The following RAD21L1 variants were observed in gnomAD, a reference collection of about 807,000 sequenced individuals.
RAD21L1 encodes double-strand-break repair protein rad21-like protein 1.
Under a neutral mutation model 69.0 loss-of-function variants are expected in RAD21L1, and 47 were observed. That is an observed-to-expected ratio of 0.68 (90% CI 0.54 to 0.87). RAD21L1 has a LOEUF of 0.87. Ranked by LOEUF, RAD21L1 falls within the 40% of genes least tolerant of loss-of-function variation. RAD21L1 has a pLI of 0.00. For missense variants in RAD21L1, 583 were observed against 647.6 expected, an observed-to-expected ratio of 0.90 and a Z score of 1.08; for synonymous variants, 177 against 205.8, an observed-to-expected ratio of 0.86 and a Z score of 1.20.
At chr20:1,237,633 A>G (rs542367171) in intron 5 of RAD21L1, among the ~76,000 whole-genome samples, 1 of 152,066 alleles carries the variant, frequency 6.6e-6, no homozygotes, top group African/African-American at 2.4e-5. Flanking sequence ...GAGATGACTA[A>G]CATGTTCCTT....
chr20:1,231,640 T>C (rs907516693), intron 4 of RAD21L1, 21 bp downstream of exon 4: 58 of 1,171,048 alleles, frequency 5.0e-5, no homozygotes, highest in Non-Finnish European at 6.2e-5. Context: ...TTATTTATTT[T>C]CCTTCGATTT....
rs2087538847 is a variant in RAD21L1 at position 1,238,203 on chromosome 20, G to C, written c.635G>C (p.Gly212Ala). The stretch of plus-strand genomic sequence containing the variant: ...GGGTTTGGAGATGAAGGAGCTGCAG[G>C]AGAAATGATTGGTATGCTATCTGGT... Reference protein sequence around the residue: ...GDGFGDEGAAGEMIDNLLQDD... With the variant: ...GDGFGDEGAAAEMIDNLLQDD... Residue 212 changes from glycine to alanine, a missense_variant, in exon 6 of 14, where the codon GGA (glycine) becomes GCA (alanine). Coordinates refer to ENST00000683101, the MANE Select transcript of RAD21L1 (RefSeq NM_001384355.1). 7.9e-6 allele frequency: 12 copies of C among 1,513,134 alleles called. No individual in the cohort carries two copies. Among genetic ancestry groups the C allele is most frequent in the African/African-American group, 1.4e-5 (1 of 72,698 alleles). 93.7% of individuals were successfully genotyped at this position (1,513,134 alleles called of 1,614,324 possible).
In RAD21L1 at chr20:1,229,993, G is replaced by T. The variant is rs1189421964; in HGVS notation, c.258G>T (p.Lys86Asn). Residue 86 changes from lysine (K) to asparagine (N), a missense_variant, in exon 3 of 14, where the codon AAG becomes AAT. Physicochemically the swap from Lys to Asn is moderately conservative, Grantham distance 94. Transcript: ENST00000683101. ...GCAGTGAAGCATTTCTTAAAATGAAGATGACATTTTGCCCAGGTATACATG... is the reference window on the plus strand; with the variant it reads ...GCAGTGAAGCATTTCTTAAAATGAATATGACATTTTGCCCAGGTATACATG... ...ADCSEAFLKM[K>N]MTFCPGLVDL... 1.3e-6 allele frequency: 2 copies of T among 1,549,590 alleles called. No homozygotes were observed. Among genetic ancestry groups the T allele is most frequent in the Middle Eastern group, 1.7e-4 (1 of 5,988 alleles).
At chr20:1,240,727 C>T (rs938403903) in intron 8 of RAD21L1, among the ~76,000 whole-genome samples, 1 of 152,180 alleles carries the variant, frequency 6.6e-6, no homozygotes, top group Non-Finnish European at 1.5e-5. Flanking sequence ...TGTCAATTTA[C>T]TGCTGCCATG....
chr20:1,227,060 C>A (rs556304379), intron 1 of RAD21L1, among the ~76,000 whole-genome samples: 69 of 152,274 alleles, frequency 4.5e-4, no homozygotes, highest in African/African-American at 1.6e-3. Context: ...CAGACGCCCG[C>A]CACCGTGCCT....
chr20:1,236,228 C>T (rs2087493005), intron 5 of RAD21L1, among the ~76,000 whole-genome samples: 1 of 152,140 alleles, frequency 6.6e-6, no homozygotes, highest in Non-Finnish European at 1.5e-5. Flanking sequence ...TACTGCAATA[C>T]CCTCCTACAA....
intron 1 of RAD21L1, among the ~76,000 whole-genome samples, chr20:1,227,286 G>A (rs1337276847): frequency 6.6e-6 from 1 of 152,228 alleles, no homozygotes; most frequent in Non-Finnish European, 1.5e-5. Flanking sequence ...TTCCGAGAGA[G>A]CGAAACACAC....
chr20:1,248,643 AG>A lies in RAD21L1; in HGVS notation c.1420del (p.Glu474LysfsTer16). 1 of 1,533,264 alleles carries A rather than the reference AG, an allele frequency of 6.5e-7. No homozygotes were observed. The highest frequency in any genetic ancestry group is 8.8e-7 in the Non-Finnish European group (1 of 1,134,036). The allele number at this position is 1,533,264 out of a possible 1,614,324, so 95.0% of individuals were successfully genotyped here. ...PVELESLSNEENIETERWNGR... is the reference protein window; with the variant it reads ...PVELESLSNEXNIETERWNGR... ...TCAAACAGGAGTCATTGAGCAATGA[AG>A]AAAATATTGAGACAGAGAGATGGAA... On this transcript the variant is annotated frameshift_variant, in exon 13 of 14. Coordinates refer to ENST00000683101, the MANE Select transcript of RAD21L1 (RefSeq NM_001384355.1). LOFTEE classifies it high-confidence loss of function.
intron 13 of RAD21L1, among the ~76,000 whole-genome samples, chr20:1,249,502 C>G (rs1199314336): frequency 6.6e-6 from 1 of 152,102 alleles, no homozygotes; most frequent in African/African-American, 2.4e-5. Context: ...TGTCAGGGAC[C>G]CAGGTTTCCT....
In RAD21L1 at chr20:1,242,850, C is replaced by A. The variant is rs149871945; in HGVS notation, c.1083+5C>A. The A allele has an allele frequency of 6.5e-7, 1 of 1,532,700 alleles. No homozygotes were observed. Among genetic ancestry groups the A allele is most frequent in the South Asian group, 1.2e-5 (1 of 83,732 alleles). 94.9% of individuals were successfully genotyped at this position (1,532,700 alleles called of 1,614,324 possible). A position where few individuals can be genotyped will look rare whatever the true frequency, so the allele number is the denominator to read the frequency against. Reference sequence around the variant, plus strand: ...ATTCATGCTGAACTGAAAATGGTAACGGTTCCTACCCTTCTACATGTGAGC... The same window carrying A: ...ATTCATGCTGAACTGAAAATGGTAAAGGTTCCTACCCTTCTACATGTGAGC... On this transcript the variant is annotated splice_donor_5th_base_variant and intron_variant, in intron 9 of 13. Coordinates refer to ENST00000683101, the MANE Select transcript of RAD21L1 (RefSeq NM_001384355.1).
At position 1,255,321 on chromosome 20, in the gene RAD21L1, T is replaced by G. The variant is rs1204287276; in HGVS notation, c.*864T>G. Among the ~76,000 whole-genome samples, 1 of 152,192 alleles carries G rather than the reference T, an allele frequency of 6.6e-6. No individual in the cohort carries two copies. Among genetic ancestry groups the G allele is most frequent in the Non-Finnish European group, 1.5e-5 (1 of 68,024 alleles). ...TGAGTAAAGATCACCAAAATAAATG[T>G]TCTTTTGTTTGGTGTTTACTGAACA... On this transcript the variant is annotated 3_prime_UTR_variant, in exon 14 of 14. Transcript: ENST00000683101.
chr20:1,247,316 T>G (rs2087737190), intron 12 of RAD21L1, among the ~76,000 whole-genome samples: 1 of 152,210 alleles, frequency 6.6e-6, no homozygotes, highest in South Asian at 2.1e-4. Context: ...GTATTTCTTC[T>G]GAGCCTTTCT....
chr20:1,249,568 G>C (rs1363357944), intron 13 of RAD21L1, among the ~76,000 whole-genome samples: 2 of 152,170 alleles, frequency 1.3e-5, no homozygotes, highest in African/African-American at 2.4e-5. Context: ...ACTCCAATCA[G>C]TAACAAAATT....
In RAD21L1 at chr20:1,248,626, G is replaced by A; in HGVS notation, c.1402G>A (p.Glu468Lys). The change falls in exon 13 of 14, where the codon GAG (glutamate) becomes AAG (lysine). Residue 468 changes from glutamate (E) to lysine (K), a missense_variant and splice_region_variant. Glu to Lys is a moderately conservative substitution (Grantham distance 56, BLOSUM62 1). Transcript: ENST00000683101. ...AATATTTTATCTATCATTCAAACAG[G>A]AGTCATTGAGCAATGAAGAAAATAT... ...QEIEYSPVEL[E>K]SLSNEENIET... 1 of 1,498,452 alleles carries A rather than the reference G, an allele frequency of 6.7e-7. No homozygotes were observed. The highest frequency in any genetic ancestry group is 9.0e-7 in the Non-Finnish European group (1 of 1,105,832). 92.8% of individuals were successfully genotyped at this position (1,498,452 alleles called of 1,614,324 possible). A position where few individuals can be genotyped will look rare whatever the true frequency, so the allele number is the denominator to read the frequency against.
intron 5 of RAD21L1, among the ~76,000 whole-genome samples, chr20:1,235,122 C>A (rs755998162): frequency 1.3e-5 from 2 of 152,118 alleles, no homozygotes; most frequent in African/African-American, 2.4e-5. Context: ...CTCCTACTCC[C>A]TGTCTTATAT....
chr20:1,233,666 G>T (rs1333675105), intron 4 of RAD21L1, among the ~76,000 whole-genome samples: 1 of 152,162 alleles, frequency 6.6e-6, no homozygotes, highest in Non-Finnish European at 1.5e-5. Flanking sequence ...TCACATGGTA[G>T]ATTGAGGCAG....
chr20:1,234,106 CTT>C lies in RAD21L1; in HGVS notation c.392_393del (p.Phe131TyrfsTer13), dbSNP rs1286801438. ...ATAGTGCTATTGATGTTTCAGAACA[CTT>C]TACTCAGAACCAAAGCAGACCAGAA... ...NMNAIDVSEH[F>X]TQNQSRPEEI... is the part of the protein sequence containing the mutation. On this transcript the variant is annotated frameshift_variant, in exon 5 of 14. Transcript: ENST00000683101. LOFTEE classifies it high-confidence loss of function. 6.5e-7 allele frequency: 1 copy of C among 1,536,168 alleles called. No individual in the cohort carries two copies.
At chr20:1,250,532 G>A (rs1393948548) in intron 13 of RAD21L1, among the ~76,000 whole-genome samples, 1 of 152,048 alleles carries the variant, frequency 6.6e-6, no homozygotes, top group Non-Finnish European at 1.5e-5. Context: ...ACAAAGACAT[G>A]AACTCATCCT....
intron 13 of RAD21L1, among the ~76,000 whole-genome samples, chr20:1,251,659 T>A (rs1206142670): frequency 6.6e-6 from 1 of 152,002 alleles, no homozygotes; most frequent in Admixed American, 6.6e-5. Context: ...TCTTTTATCC[T>A]CTATATTAAT....
Sources: allele counts gnomAD v4.1 joint callset (sites outside exome capture counted in the v4.1 genomes callset), GRCh38; gene constraint gnomAD v4.1.1; transcripts MANE v1.5; gene names NCBI Gene and HGNC (gene_info 2026-07-23, HGNC 2026-07-21).